MADCAM1: variants seen among roughly 807,000 people sequenced by gnomAD.
MADCAM1 encodes mucosal addressin cell adhesion molecule 1.
MADCAM1 carries 19 observed loss-of-function variants against 26.1 expected under a neutral mutation model. The observed-to-expected ratio is 0.73, with a 90% CI of 0.51 to 1.07. The LOEUF (loss-of-function observed/expected upper bound fraction) is 1.07, where lower values mean the gene tolerates loss of function less well. Ranked by LOEUF, MADCAM1 falls within the 50% of genes least tolerant of loss-of-function variation. The pLI is 0.00. For missense variants in MADCAM1, 514 were observed against 542.1 expected (o/e 0.95, Z 0.51); for synonymous variants, 268 against 260.9 (o/e 1.03, Z -0.26).
intron 4 of MADCAM1, among the ~76,000 whole-genome samples, chr19:504,061 A>C (rs1978492679): frequency 6.6e-6 from 1 of 151,990 alleles, no homozygotes; most frequent in Admixed American, 6.6e-5. Context: ...TTTCGAAAAA[A>C]AAAAAAAAGT....
intron 3 of MADCAM1, chr19:499,985 T>G (rs1978311702): frequency 2.2e-6 from 1 of 449,104 alleles, no homozygotes; most frequent in Admixed American, 2.4e-5. Flanking sequence ...CCGGGAGGTC[T>G]TTGTGGTGGG....
At chr19:503,308 A>C (rs12610121) in intron 4 of MADCAM1, among the ~76,000 whole-genome samples, 14 of 149,722 alleles carry the variant, frequency 9.4e-5, no homozygotes, top group Admixed American at 2.7e-4. Context: ...TGGGCCGGGC[A>C]CGGTGGCTTA....
At chr19:500,249 T>C (rs1022414592) in intron 3 of MADCAM1, 16 of 449,356 alleles carry the variant, frequency 3.6e-5, no homozygotes, top group African/African-American at 3.2e-4. Context: ...CCTTTGACAG[T>C]TGAGGAAACT....
intron 4 of MADCAM1, 27 bp downstream of exon 4, chr19:501,956 AG>A: frequency 1.7e-6 from 1 of 579,192 alleles, no homozygotes; most frequent in Non-Finnish European, 3.0e-6. Flanking sequence ...GGGGGCAGGG[AG>A]GGTGGGAAGG....
Position 498,123 on chromosome 19 carries a change from GC to G in MADCAM1, c.337+7del. The G allele has an allele frequency of 3.0e-6, 4 of 1,318,028 alleles. No homozygotes were observed. The highest frequency in any genetic ancestry group is 3.9e-6 in the Non-Finnish European group (4 of 1,033,832). The allele number at this position is 1,318,028 out of a possible 1,614,324, so 81.6% of individuals were successfully genotyped here. A position where few individuals can be genotyped will look rare whatever the true frequency, so the allele number is the denominator to read the frequency against. ...CGTGCAGCTCCTTGTGTACGGTGAG[GC>G]GTCCCCCCGCGCCCTGCCTCTCTGA... On this transcript the variant is annotated splice_region_variant and intron_variant, in intron 2 of 4. Coordinates refer to ENST00000215637, the MANE Select transcript of MADCAM1 (RefSeq NM_130760.3).
Position 498,772 on chromosome 19 carries a change from A to G in MADCAM1, c.614A>G (p.Gln205Arg). 7.4e-7 allele frequency: 1 copy of G among 1,348,598 alleles called. No individual in the cohort carries two copies. The highest frequency in any genetic ancestry group is 9.7e-7 in the Non-Finnish European group (1 of 1,028,600). The allele number at this position is 1,348,598 out of a possible 1,614,324, so 83.5% of individuals were successfully genotyped here. Reference sequence around the variant, plus strand: ...CCTGTCCCGCCCGCCCTCTACTGCCAGGCCACGATGAGGCTGCCTGGCTTG... The same window carrying G: ...CCTGTCCCGCCCGCCCTCTACTGCCGGGCCACGATGAGGCTGCCTGGCTTG... ...GTPVPPALYCQATMRLPGLEL... is the reference protein window; with the variant it reads ...GTPVPPALYCRATMRLPGLEL... Residue 205 changes from glutamine to arginine, a missense_variant, in exon 3 of 5, where the codon CAG (glutamine) becomes CGG (arginine). By Grantham distance (43) the Gln-to-Arg change is conservative (BLOSUM62 1). Transcript: ENST00000215637.
At chr19:504,356 C>T (rs1465567780) in intron 4 of MADCAM1, among the ~76,000 whole-genome samples, 1 of 150,422 alleles carries the variant, frequency 6.6e-6, no homozygotes, top group South Asian at 2.1e-4. Context: ...CTCCACCTCC[C>T]GGGTTCAAGT....
chr19:498,362 C>G, intron 2 of MADCAM1, 134 bp from the exon 3 acceptor site: 2 of 1,017,042 alleles, frequency 2.0e-6, no homozygotes, highest in Non-Finnish European at 2.6e-6. Context: ...GCGCACAGGC[C>G]GTCCCTACTG....
At chr19:503,308 A>G (rs12610121) in intron 4 of MADCAM1, among the ~76,000 whole-genome samples, 9,214 of 149,764 alleles carry the variant, frequency 0.062, 465 homozygotes, top group East Asian at 0.25. Flanking sequence ...TGGGCCGGGC[A>G]CGGTGGCTTA....
In MADCAM1 at chr19:497,955, C is replaced by T. The variant is rs1211678060; in HGVS notation, c.175C>T (p.Gln59Ter). 1 of 1,471,094 alleles carries T rather than the reference C, an allele frequency of 6.8e-7. No individual in the cohort carries two copies. The highest frequency in any genetic ancestry group is 2.8e-5 in the East Asian group (1 of 35,202). 91.1% of individuals were successfully genotyped at this position (1,471,094 alleles called of 1,614,324 possible). A position where few individuals can be genotyped will look rare whatever the true frequency, so the allele number is the denominator to read the frequency against. Residue 59 changes from glutamine to a stop codon, truncating the protein, a stop_gained, in exon 2 of 5, where the codon CAG (glutamine) becomes TAG (stop). Coordinates refer to ENST00000215637, the MANE Select transcript of MADCAM1 (RefSeq NM_130760.3). LOFTEE classifies it high-confidence loss of function. ...LACADRGASV[Q>*]WRGLDTSLGA... Reference sequence around the variant, plus strand: ...CTGCGCGGACCGCGGGGCCTCGGTGCAGTGGCGGGGCCTGGACACCAGCCT... The same window carrying T: ...CTGCGCGGACCGCGGGGCCTCGGTGTAGTGGCGGGGCCTGGACACCAGCCT...
At chr19:500,447 T>C (rs922827281) in intron 3 of MADCAM1, among the ~76,000 whole-genome samples, 3 of 152,204 alleles carry the variant, frequency 2.0e-5, no homozygotes, top group Admixed American at 1.3e-4. Context: ...TTATAAATTA[T>C]AGGCTTTAGG....
Position 498,759 on chromosome 19 carries a change from G to T in MADCAM1, c.601G>T (p.Ala201Ser). The part of the protein sequence containing the change: ...LPPLGTPVPP[A>S]LYCQATMRLP... ...GCCCCTGGGGACCCCTGTCCCGCCC[G>T]CCCTCTACTGCCAGGCCACGATGAG... The change falls in exon 3 of 5, where the codon GCC becomes TCC. Residue 201 changes from alanine to serine, a missense_variant. Transcript: ENST00000215637. 1.2e-6 allele frequency: 1 copy of T among 828,724 alleles called. No homozygotes were observed. 51.3% of individuals were successfully genotyped at this position (828,724 alleles called of 1,614,324 possible). A position where few individuals can be genotyped will look rare whatever the true frequency, so the allele number is the denominator to read the frequency against.
intron 4 of MADCAM1, among the ~76,000 whole-genome samples, chr19:503,434 A>C (rs1296624353): frequency 6.6e-6 from 1 of 151,344 alleles, no homozygotes; most frequent in Non-Finnish European, 1.5e-5. Context: ...ACAAAAAATT[A>C]GCCGGGCGTG....
intron 3 of MADCAM1, among the ~76,000 whole-genome samples, chr19:500,369 T>C (rs1432048182): frequency 6.6e-6 from 1 of 152,216 alleles, no homozygotes; most frequent in Non-Finnish European, 1.5e-5. Flanking sequence ...CTTCCTCATC[T>C]GTCCAGTGGA....
Position 504,889 on chromosome 19 carries a change from C to T in MADCAM1, c.1073C>T (p.Ser358Phe), listed in dbSNP as rs759745925. Reference protein sequence around the residue: ...LAEDDTHPPASLRLLPQVSAW... With the variant: ...LAEDDTHPPAFLRLLPQVSAW... ...GAGGACGACACCCACCCACCAGCTT[C>T]TCTGAGGCTTCTGCCCCAGGTGTCG... Residue 358 changes from serine to phenylalanine, a missense_variant, in exon 5 of 5, where the codon TCT (serine) becomes TTT (phenylalanine). Physicochemically the swap from Ser to Phe is radical, Grantham distance 155. Coordinates refer to ENST00000215637, the MANE Select transcript of MADCAM1 (RefSeq NM_130760.3). 8.3e-5 allele frequency: 134 copies of T among 1,612,738 alleles called. No homozygotes were observed. Among genetic ancestry groups the T allele is most frequent in the Non-Finnish European group, 1.0e-4 (119 of 1,179,858 alleles).
intron 4 of MADCAM1, among the ~76,000 whole-genome samples, chr19:504,255 C>CTTTTTTTT (rs141972615): frequency 1.1e-5 from 1 of 88,148 alleles, no homozygotes; most frequent in Non-Finnish European, 2.3e-5. Flanking sequence ...CCGGTCTGCC[C>CTTTTTTTT]TTTTTTTTTT....
chr19:504,136 T>C (rs1978495210), intron 4 of MADCAM1, among the ~76,000 whole-genome samples: 1 of 151,616 alleles, frequency 6.6e-6, no homozygotes. Flanking sequence ...GTAATCAATA[T>C]AAAATAGTAT....
At chr19:497,469 TGCTCAGAGTTAAGGG>T (rs1978291283) in intron 1 of MADCAM1, among the ~76,000 whole-genome samples, 1 of 88,562 alleles carries the variant, frequency 1.1e-5, no homozygotes, top group Non-Finnish European at 2.3e-5. Context: ...AGACGAGGGG[TGCTCAGAGTTAAGGG>T]GCTCCGAGAT....
At chr19:502,285 C>T (rs993525493) in intron 4 of MADCAM1, among the ~76,000 whole-genome samples, 4 of 152,138 alleles carry the variant, frequency 2.6e-5, no homozygotes, top group South Asian at 2.1e-4. Context: ...AGAAACAATG[C>T]GGCCACATAG....
Sources: gnomAD v4.1 joint callset for allele counts (sites outside exome capture counted in the v4.1 genomes callset) on GRCh38, gnomAD v4.1.1 for gene constraint, MANE v1.5 for transcripts, NCBI Gene and HGNC (gene_info 2026-07-23, HGNC 2026-07-21) for gene names.